Variants in ZC3H12B observed in about 807,000 individuals in gnomAD.
ZC3H12B encodes zinc finger CCCH-type containing 12B.
Under a neutral mutation model 43.9 loss-of-function variants are expected in ZC3H12B, and 7 were observed. The observed-to-expected ratio is 0.16, with a 90% CI of 0.09 to 0.30. The LOEUF is 0.30. Ranked by LOEUF, ZC3H12B falls within the 10% of genes least tolerant of loss-of-function variation. The pLI, the probability that ZC3H12B is intolerant of heterozygous loss-of-function variation, is 1.00. For synonymous variants in ZC3H12B, 222 were observed against 241.7 expected (o/e 0.92, Z 0.76); for missense variants, 475 against 670.2 (o/e 0.71, Z 3.22).
chrX:65,164,204 G>T, the ZC3H12B span, among the ~76,000 whole-genome samples: 1 of 111,396 alleles, frequency 9.0e-6, no homozygotes, highest in Non-Finnish European at 1.9e-5. Flanking sequence ...AGGGACTAGG[G>T]AATAGAGAAT....
rs1213955947 is a variant in ZC3H12B, at chrX:65,380,234, G to A, written n.295+11236G>A. 7.1e-5 allele frequency among the ~76,000 whole-genome samples: 8 copies of A among 112,186 alleles called. No homozygotes were observed. The East Asian group carries it at 2.2e-3, about 31-fold the overall frequency. Reference sequence around the variant, plus strand: ...AAGGTAGGGTTATCCTCAAAGGGAAGCCCATCAGACTAACAGCAGATCTCT... The same window carrying A: ...AAGGTAGGGTTATCCTCAAAGGGAAACCCATCAGACTAACAGCAGATCTCT... On this transcript the variant is annotated intron_variant and non_coding_transcript_variant, in intron 2 of 5. Transcript: ENST00000617377.
chrX:65,295,676 G>C, the ZC3H12B span, among the ~76,000 whole-genome samples: 1 of 111,552 alleles, frequency 9.0e-6, no homozygotes, highest in Non-Finnish European at 1.9e-5. Context: ...ACTAAGAAAA[G>C]AATAGAGAAG....
At chrX:65,123,321 G>A in the ZC3H12B span, among the ~76,000 whole-genome samples, 7 of 111,152 alleles carry the variant, frequency 6.3e-5, no homozygotes, top group South Asian at 1.5e-3. Flanking sequence ...TGCTGGATTC[G>A]GTTTGCCAGT....
chrX:65,376,522 C>G (rs2066348676), intron 2 of ZC3H12B, among the ~76,000 whole-genome samples: 1 of 111,629 alleles, frequency 9.0e-6, no homozygotes, highest in Non-Finnish European at 1.9e-5. Context: ...AGTGGTGGTA[C>G]TCACTGGGCT....
the ZC3H12B span, among the ~76,000 whole-genome samples, chrX:65,227,999 A>T: frequency 0.081 from 9,025 of 110,991 alleles, 1,005 homozygotes; most frequent in African/African-American, 0.29. Context: ...TTCCAATCAA[A>T]AGAAAAAGAG....
chrX:65,464,672 TTTTG>T (rs769421409), intron 3 of ZC3H12B, among the ~76,000 whole-genome samples: 69 of 111,107 alleles, frequency 6.2e-4, no homozygotes, highest in Non-Finnish European at 1.0e-3. Flanking sequence ...TTTGTTGTGA[TTTTG>T]TTTGTTTGTT....
At chrX:65,352,388 C>A in the ZC3H12B span, among the ~76,000 whole-genome samples, 1 of 109,588 alleles carries the variant, frequency 9.1e-6, no homozygotes, top group Non-Finnish European at 1.9e-5. Flanking sequence ...ATTAGTGCAG[C>A]AAACCACCAT....
At chrX:65,488,405 G>A (rs1428747650), upstream of ZC3H12B, among the ~76,000 whole-genome samples, 1 of 94,914 alleles carries the variant, frequency 1.1e-5, no homozygotes, top group African/African-American at 3.9e-5. Flanking sequence ...TGGGGTAGGG[G>A]GGCGACAGGA....
the ZC3H12B span, among the ~76,000 whole-genome samples, chrX:65,121,625 A>T: frequency 9.0e-6 from 1 of 110,885 alleles, no homozygotes; most frequent in Non-Finnish European, 1.9e-5. Flanking sequence ...TGATTTTTTG[A>T]AGGGTTTTTG....
At chrX:65,469,462 T>C in intron 3 of ZC3H12B, 1 of 415,719 alleles carries the variant, frequency 2.4e-6, no homozygotes, top group Non-Finnish European at 4.4e-6. Flanking sequence ...TCCATGCTCT[T>C]CGAGCTCACT....
At chrX:65,449,781 T>TTA (rs910106394) in intron 3 of ZC3H12B, among the ~76,000 whole-genome samples, 1 of 111,335 alleles carries the variant, frequency 9.0e-6, no homozygotes, top group Non-Finnish European at 1.9e-5. Flanking sequence ...ATGTTCTCAC[T>TTA]TATAAGTGGG....
chrX:65,115,747 C>G, the ZC3H12B span, among the ~76,000 whole-genome samples: 3 of 111,400 alleles, frequency 2.7e-5, no homozygotes, highest in Non-Finnish European at 5.7e-5. Flanking sequence ...AATGACCATT[C>G]CTGCAAGAGT....
the ZC3H12B span, among the ~76,000 whole-genome samples, chrX:65,215,580 G>C: frequency 9.0e-6 from 1 of 111,090 alleles, no homozygotes; most frequent in Admixed American, 9.6e-5. Context: ...AGGGAATTTT[G>C]TTGCTCGTTT....
At chrX:65,313,467 G>T in the ZC3H12B span, among the ~76,000 whole-genome samples, 1 of 112,044 alleles carries the variant, frequency 8.9e-6, no homozygotes, top group African/African-American at 3.2e-5. Flanking sequence ...ATTTGTGGGT[G>T]CACATAATAT....
chrX:65,298,920 A>T, the ZC3H12B span, among the ~76,000 whole-genome samples: 2 of 111,734 alleles, frequency 1.8e-5, no homozygotes, highest in African/African-American at 3.2e-5. Flanking sequence ...ATAGCCCCTT[A>T]TAAAGCCGTC....
chrX:65,089,202 CATT>C, the ZC3H12B span, among the ~76,000 whole-genome samples: 1 of 110,978 alleles, frequency 9.0e-6, no homozygotes, highest in African/African-American at 3.3e-5. Flanking sequence ...GCAATTTTGT[CATT>C]GTTGTGAGCA....
chrX:65,488,747 A>G, exon 1 of ZC3H12B: 2 of 1,100,227 alleles, frequency 1.8e-6, no homozygotes, highest in South Asian at 4.7e-5. Flanking sequence ...TGTGGATTCC[A>G]AGCAGGCTAA....
At chrX:65,174,493 A>C in the ZC3H12B span, among the ~76,000 whole-genome samples, 6 of 111,619 alleles carry the variant, frequency 5.4e-5, no homozygotes, top group African/African-American at 1.3e-4. Context: ...CCCCTTCCCC[A>C]GGTGCTCTGT....
At chrX:65,412,368 T>C (rs2066914185) in intron 3 of ZC3H12B, among the ~76,000 whole-genome samples, 1 of 112,406 alleles carries the variant, frequency 8.9e-6, no homozygotes, top group African/African-American at 3.2e-5. Context: ...GTAATATTCA[T>C]TTGTTTAGCC....
Sources: gnomAD v4.1 joint callset for allele counts (sites outside exome capture counted in the v4.1 genomes callset) on GRCh38, gnomAD v4.1.1 for gene constraint, MANE v1.5 for transcripts, NCBI Gene and HGNC (gene_info 2026-07-23, HGNC 2026-07-21) for gene names.